The following GRM3 variants were observed in gnomAD, a reference collection of about 807,000 sequenced individuals.
The protein encoded by GRM3 is glutamate metabotropic receptor 3.
Under a neutral mutation model 70.5 loss-of-function variants are expected in GRM3, and 26 were observed. The observed-to-expected ratio is 0.37, with a 90% confidence interval of 0.27 to 0.51. The LOEUF (loss-of-function observed/expected upper bound fraction) is 0.51, where lower values mean the gene tolerates loss of function less well. GRM3 is among the 20% of genes least tolerant of loss of function. The pLI is 0.93. For synonymous variants in GRM3, 443 were observed against 434.9 expected (o/e 1.02, Z -0.23); for missense variants, 859 against 1,123.8 (o/e 0.76, Z 3.37).
intron 2 of GRM3, among the ~76,000 whole-genome samples, chr7:86,782,485 T>A (rs1797097473): frequency 6.6e-6 from 1 of 152,164 alleles, no homozygotes. Context: ...AGAACCAACT[T>A]TCCCATTTGA....
chr7:86,800,042 C>T (rs1797646998), intron 3 of GRM3, among the ~76,000 whole-genome samples: 1 of 152,124 alleles, frequency 6.6e-6, no homozygotes, highest in Non-Finnish European at 1.5e-5. Context: ...TGACTGACTC[C>T]TGGGTAAATA....
At chr7:86,679,157 T>C (rs757432916) in intron 1 of GRM3, among the ~76,000 whole-genome samples, 7 of 152,080 alleles carry the variant, frequency 4.6e-5, no homozygotes, top group Non-Finnish European at 8.8e-5. Flanking sequence ...TGTCTGACCA[T>C]CTTATTAGTG....
At chr7:86,736,531 C>T (rs1266037539) in intron 1 of GRM3, among the ~76,000 whole-genome samples, 2 of 152,128 alleles carry the variant, frequency 1.3e-5, no homozygotes, top group Non-Finnish European at 2.9e-5. Context: ...GGCTGGAGTG[C>T]CACTTGTGTA....
chr7:86,777,962 G>T (rs755946319), intron 2 of GRM3, among the ~76,000 whole-genome samples: 12 of 152,138 alleles, frequency 7.9e-5, no homozygotes, highest in Non-Finnish European at 1.6e-4. Context: ...GTAACAGATG[G>T]TTCAAAGTGC....
intron 3 of GRM3, among the ~76,000 whole-genome samples, chr7:86,794,241 A>G (rs1400735757): frequency 6.6e-6 from 1 of 152,176 alleles, no homozygotes; most frequent in African/African-American, 2.4e-5. Context: ...CCACTTCTGT[A>G]TACCTTTATG....
chr7:86,746,616 G>T (rs1796111978), intron 1 of GRM3, among the ~76,000 whole-genome samples: 1 of 151,806 alleles, frequency 6.6e-6, no homozygotes, highest in African/African-American at 2.4e-5. Flanking sequence ...CCAGCCATGG[G>T]CTTCATCACC....
At chr7:86,708,128 A>C (rs547202965) in intron 1 of GRM3, among the ~76,000 whole-genome samples, 2 of 152,310 alleles carry the variant, frequency 1.3e-5, no homozygotes, top group South Asian at 4.1e-4. Context: ...TAACTATGGC[A>C]CTGTGTGGTT....
intron 1 of GRM3, among the ~76,000 whole-genome samples, chr7:86,656,937 C>T (rs1584142831): frequency 6.6e-6 from 1 of 152,190 alleles, no homozygotes; most frequent in East Asian, 1.9e-4. Context: ...TCGTTTTTAG[C>T]AGAGTCTATA....
rs1269271739 is a variant in GRM3 at position 86,643,983 on chromosome 7, C to T, written c.-1030C>T. 6.5e-6 allele frequency: 1 copy of T among 152,908 alleles called. No individual in the cohort carries two copies. Among genetic ancestry groups the T allele is most frequent in the Admixed American group, 6.5e-5 (1 of 15,300 alleles). The allele number at this position is 152,908 out of a possible 1,614,324, so 9.5% of individuals were successfully genotyped here. On this transcript the variant is annotated 5_prime_UTR_variant, in exon 1 of 6. Coordinates refer to ENST00000361669, the MANE Select transcript of GRM3 (RefSeq NM_000840.3). ...CTGGCTCTCACACTCCCTCTCTGCT[C>T]CCGCTCTCCTAATCTCCTCTGGCAT... is the stretch of plus-strand genomic sequence containing the variant.
intron 1 of GRM3, among the ~76,000 whole-genome samples, chr7:86,676,047 A>G (rs1395097121): frequency 1.3e-5 from 2 of 151,908 alleles, no homozygotes; most frequent in Non-Finnish European, 2.9e-5. Context: ...TCGTCAGTGT[A>G]TTGTCCTATT....
intron 2 of GRM3, among the ~76,000 whole-genome samples, chr7:86,773,033 T>C (rs1796786295): frequency 6.6e-6 from 1 of 152,076 alleles, no homozygotes; most frequent in Non-Finnish European, 1.5e-5. Context: ...GGGCCAAATA[T>C]GTAGGTTTGT....
intron 4 of GRM3, among the ~76,000 whole-genome samples, chr7:86,847,036 C>T (rs1190981984): frequency 6.6e-6 from 1 of 152,172 alleles, no homozygotes; most frequent in African/African-American, 2.4e-5. Flanking sequence ...CACAGGGTTA[C>T]ACAAAGTAGT....
At chr7:86,801,766 G>T (rs893316608) in intron 3 of GRM3, among the ~76,000 whole-genome samples, 16 of 152,120 alleles carry the variant, frequency 1.1e-4, no homozygotes, top group Non-Finnish European at 2.9e-5. Context: ...AGTGAGCAGA[G>T]GGTCAGAAAA....
At chr7:86,675,835 G>C (rs1789850643) in intron 1 of GRM3, among the ~76,000 whole-genome samples, 1 of 152,030 alleles carries the variant, frequency 6.6e-6, no homozygotes, top group African/African-American at 2.4e-5. Flanking sequence ...TTTTTTCTCT[G>C]AAATATGTTC....
At chr7:86,817,965 T>G (rs1419810798) in intron 3 of GRM3, among the ~76,000 whole-genome samples, 1 of 151,940 alleles carries the variant, frequency 6.6e-6, no homozygotes, top group East Asian at 1.9e-4. Flanking sequence ...CACACACACA[T>G]GCACACATAT....
chr7:86,731,920 A>T (rs1169020548), intron 1 of GRM3, among the ~76,000 whole-genome samples: 4 of 152,196 alleles, frequency 2.6e-5, no homozygotes, highest in African/African-American at 9.6e-5. Context: ...TTTTATCACC[A>T]ACGCCTAATA....
intron 1 of GRM3, among the ~76,000 whole-genome samples, chr7:86,734,609 G>A (rs770593782): frequency 2.0e-5 from 3 of 152,160 alleles, no homozygotes; most frequent in African/African-American, 4.8e-5. Flanking sequence ...CTCTCAGCAT[G>A]CAGCCTCAAA....
intron 2 of GRM3, among the ~76,000 whole-genome samples, chr7:86,776,872 A>G (rs1349634586): frequency 6.6e-6 from 1 of 152,154 alleles, no homozygotes. Flanking sequence ...TATGACACAG[A>G]CTTTTTGATC....
intron 1 of GRM3, among the ~76,000 whole-genome samples, chr7:86,670,184 C>T (rs1197415726): frequency 6.6e-6 from 1 of 152,176 alleles, no homozygotes; most frequent in Non-Finnish European, 1.5e-5. Context: ...CTAAGGCCTA[C>T]AAAAATTTGT....
Sources: allele counts gnomAD v4.1 joint callset (sites outside exome capture counted in the v4.1 genomes callset), GRCh38; gene constraint gnomAD v4.1.1; transcripts MANE v1.5; gene names NCBI Gene and HGNC (gene_info 2026-07-23, HGNC 2026-07-21).